The following PDGFRA variants were observed in gnomAD, a reference collection of about 807,000 sequenced individuals.
The protein encoded by PDGFRA is platelet derived growth factor receptor alpha, also known as platelet-derived growth factor receptor alpha.
PDGFRA carries 25 observed loss-of-function variants against 121.5 expected under a neutral mutation model. That is an observed-to-expected ratio of 0.21 (90% confidence interval 0.15 to 0.29). The LOEUF (loss-of-function observed/expected upper bound fraction) is 0.29, where lower values mean the gene tolerates loss of function less well. Ranked by LOEUF, PDGFRA falls within the 10% of genes least tolerant of loss-of-function variation. The pLI, the probability that PDGFRA is intolerant of heterozygous loss-of-function variation, is 1.00. For synonymous variants in PDGFRA, 463 were observed against 494.8 expected (o/e 0.94, Z 0.85); for missense variants, 1,008 against 1,345.1 (o/e 0.75, Z 3.92).
chr4:54,256,151 C>T (rs966651641), intron 1 of PDGFRA, among the ~76,000 whole-genome samples: 3 of 151,874 alleles, frequency 2.0e-5, no homozygotes, highest in Non-Finnish European at 2.9e-5. Context: ...GGGAGGCCAA[C>T]GCAGGAGGAT....
At position 54,241,650 on chromosome 4, in the gene PDGFRA, G is replaced by A. The variant is rs141768259; in HGVS notation, c.-13+12235G>A. Among the ~76,000 whole-genome samples the A allele has an allele frequency of 4.3e-3, 650 of 151,998 alleles. 6 individuals are homozygous for A. Among genetic ancestry groups the A allele is most frequent in the African/African-American group, 0.015 (618 of 41,448 alleles). The stretch of plus-strand genomic sequence containing the variant: ...CTGCAGCCTCCGCATCCTGGGTTCA[G>A]GCATTTCTCCTGTCTCAGCCTCCTG... On this transcript the variant is annotated intron_variant, in intron 1 of 22. Coordinates refer to ENST00000257290, the MANE Select transcript of PDGFRA (RefSeq NM_006206.6).
In PDGFRA at chr4:54,296,062, T is replaced by C. The variant is rs1724865360; in HGVS notation, c.*790T>C. 5 of 232,582 alleles carry C rather than the reference T, an allele frequency of 2.1e-5. No homozygotes were observed. The East Asian group carries it at 3.1e-4, about 14-fold the overall frequency. 14.4% of individuals were successfully genotyped at this position (232,582 alleles called of 1,614,324 possible). A position where few individuals can be genotyped will look rare whatever the true frequency, so the allele number is the denominator to read the frequency against. On this transcript the variant is annotated 3_prime_UTR_variant, in exon 23 of 23. Coordinates refer to ENST00000257290, the MANE Select transcript of PDGFRA (RefSeq NM_006206.6). ...GACAGTTTTTGACATTTATATTAAA[T>C]AACATGTTTCTCTATAAAGTATGGT...
At chr4:54,261,438 A>G in intron 3 of PDGFRA, 26 bp downstream of exon 3, 1 of 1,516,478 alleles carries the variant, frequency 6.6e-7, no homozygotes. Flanking sequence ...CTCCAGGACC[A>G]AGCTTCTTCT....
chr4:54,238,201 A>G (rs1459181259), intron 1 of PDGFRA, among the ~76,000 whole-genome samples: 1 of 152,160 alleles, frequency 6.6e-6, no homozygotes, highest in African/African-American at 2.4e-5. Flanking sequence ...TTTTCCTGGT[A>G]GCATTCAATA....
intron 22 of PDGFRA, among the ~76,000 whole-genome samples, chr4:54,292,826 T>A (rs7687358): frequency 1 from 151,885 of 152,284 alleles, 75,745 homozygotes; most frequent in Middle Eastern, 1. Context: ...GAGCTAAAAC[T>A]ACGAGAACAC....
intron 15 of PDGFRA, 144 bp downstream of exon 15, chr4:54,278,659 T>C (rs1263252939): frequency 1.3e-6 from 1 of 766,260 alleles, no homozygotes; most frequent in South Asian, 1.6e-5. Context: ...GTCCAGTCTT[T>C]CCATGGTCAT....
At position 54,261,242 on chromosome 4, in the gene PDGFRA, G is replaced by T. The variant is rs1577705273; in HGVS notation, c.197G>T (p.Ser66Ile). The change falls in exon 3 of 23, where the codon AGC (serine) becomes ATC (isoleucine). Residue 66 changes from serine (S) to isoleucine (I), a missense_variant. By Grantham distance (142) the Ser-to-Ile change is moderately radical. This residue lies in a region of PDGFRA where 575 missense variants were observed against 701.8 expected (regional missense o/e 0.82). Transcript: ENST00000257290. ...SWQYPMSEEE[S>I]SDVEIRNEEN... ...CAGTACCCCATGTCTGAAGAAGAGAGCTCCGATGTGGAAATCAGAAATGAA... is the reference window on the plus strand; with the variant it reads ...CAGTACCCCATGTCTGAAGAAGAGATCTCCGATGTGGAAATCAGAAATGAA... 3 of 1,614,150 alleles carry T rather than the reference G, an allele frequency of 1.9e-6. No homozygotes were observed. The highest frequency in any genetic ancestry group is 3.3e-5 in the Admixed American group (2 of 60,020).
In PDGFRA at chr4:54,261,356, A is replaced by G. The variant is rs1722704092; in HGVS notation, c.311A>G (p.His104Arg). 1.2e-6 allele frequency: 2 copies of G among 1,614,130 alleles called. No homozygotes were observed. The highest frequency in any genetic ancestry group is 1.7e-6 in the Non-Finnish European group (2 of 1,179,986). ...HTGLYTCYYN[H>R]TQTEENELEG... ...GGGTTGTACACTTGCTATTACAACC[A>G]CACTCAGACAGAAGAGAATGAGCTT... Residue 104 changes from histidine (H) to arginine (R), a missense_variant, in exon 3 of 23, where the codon CAC (histidine) becomes CGC (arginine). By Grantham distance (29) the His-to-Arg change is conservative. Coordinates refer to ENST00000257290, the MANE Select transcript of PDGFRA (RefSeq NM_006206.6).
intron 1 of PDGFRA, among the ~76,000 whole-genome samples, chr4:54,247,099 T>C (rs1028017580): frequency 5.9e-5 from 9 of 151,406 alleles, no homozygotes; most frequent in African/African-American, 2.2e-4. Context: ...CCAAAAAGAG[T>C]CCAGGACCAG....
chr4:54,278,414 T>C lies in PDGFRA; in HGVS notation c.2055T>C (p.Tyr685=), dbSNP rs1005774933. Reference sequence around the variant, plus strand: ...GCTTCTATGGAGATTTGGTCAACTATTTGCATAAGAATAGGGATAGCTTCC... The same window carrying C: ...GCTTCTATGGAGATTTGGTCAACTACTTGCATAAGAATAGGGATAGCTTCC... The part of the protein sequence containing the change: ...EYCFYGDLVN[Y]LHKNRDSFLS... The change falls in exon 15 of 23, where the codon TAT becomes TAC. Residue 685 remains tyrosine (Y), a synonymous_variant. Transcript: ENST00000257290. The C allele has an allele frequency of 1.2e-5, 19 of 1,613,720 alleles. No homozygotes were observed. The highest frequency in any genetic ancestry group is 1.7e-5 in the Admixed American group (1 of 59,996).
intron 5 of PDGFRA, 111 bp downstream of exon 5, chr4:54,265,160 C>T: frequency 1.0e-6 from 1 of 1,000,176 alleles, no homozygotes; most frequent in Non-Finnish European, 1.6e-6. Context: ...TTCTCTAGAC[C>T]TTAGCTTCCC....
chr4:54,288,533 A>G (rs1024320217), intron 19 of PDGFRA, among the ~76,000 whole-genome samples: 1 of 152,194 alleles, frequency 6.6e-6, no homozygotes, highest in African/African-American at 2.4e-5. Flanking sequence ...AGTCATACAC[A>G]TTGAAAAACA....
chr4:54,287,447 G>A lies in PDGFRA; in HGVS notation c.2580G>A (p.Lys860=), dbSNP rs187169233. 5.4e-6 allele frequency: 8 copies of A among 1,493,810 alleles called. No individual in the cohort carries two copies. The East Asian group carries it at 6.8e-5, about 13-fold the overall frequency. The allele number at this position is 1,493,810 out of a possible 1,614,324, so 92.5% of individuals were successfully genotyped here. The change falls in exon 19 of 23, where the codon AAG becomes AAA. Residue 860 remains lysine, a synonymous_variant. Coordinates refer to ENST00000257290, the MANE Select transcript of PDGFRA (RefSeq NM_006206.6). ...VSKGSTFLPV[K]WMAPESIFDN... ...CCTTGCAGACCTTTCTGCCCGTGAA[G>A]TGGATGGCTCCTGAGAGCATCTTTG...
At chr4:54,273,017 C>T (rs959863877) in intron 9 of PDGFRA, among the ~76,000 whole-genome samples, 2 of 152,190 alleles carry the variant, frequency 1.3e-5, no homozygotes, top group East Asian at 1.9e-4. Flanking sequence ...AGAGACTCCT[C>T]ATCTTAACTT....
intron 1 of PDGFRA, 102 bp downstream of exon 1, chr4:54,229,517 A>T (rs1720541483): frequency 2.8e-6 from 1 of 361,094 alleles, no homozygotes; most frequent in Non-Finnish European, 4.9e-6. Context: ...GGCGACAAGA[A>T]AAAAAAAAAG....
In PDGFRA at chr4:54,297,252, C is replaced by G. The variant is rs1724921181; in HGVS notation, c.*1980C>G. On this transcript the variant is annotated 3_prime_UTR_variant, in exon 23 of 23. Transcript: ENST00000257290. Reference sequence around the variant, plus strand: ...ATGAATGAAACATGGGCTGTGATTACTGCAATCACTGTGCTATCGGCAGAT... The same window carrying G: ...ATGAATGAAACATGGGCTGTGATTAGTGCAATCACTGTGCTATCGGCAGAT... 4.3e-6 allele frequency: 1 copy of G among 233,606 alleles called. No individual in the cohort carries two copies. Among genetic ancestry groups the G allele is most frequent in the South Asian group, 1.8e-4 (1 of 5,532 alleles). The allele number at this position is 233,606 out of a possible 1,614,324, so 14.5% of individuals were successfully genotyped here.
chr4:54,284,879 C>CTTTTTTTTTTTTTTTTT lies in PDGFRA; in HGVS notation c.2324-486_2324-470dup, dbSNP rs5858264. On this transcript the variant is annotated intron_variant, in intron 16 of 22. Coordinates refer to ENST00000257290, the MANE Select transcript of PDGFRA (RefSeq NM_006206.6). ...CTTTCCTTTCTTTCATTCTTTCTATCTTTTTTTTTTTTTTTTTTTTTTGAG... is the reference window on the plus strand; with the variant it reads ...CTTTCCTTTCTTTCATTCTTTCTATCTTTTTTTTTTTTTTTTTTTTTTTTTTTTTTTTTTTTTTTGAG... Among the ~76,000 whole-genome samples the CTTTTTTTTTTTTTTTTT allele has an allele frequency of 4.0e-5, 4 of 101,248 alleles. 2 individuals are homozygous for CTTTTTTTTTTTTTTTTT. Among genetic ancestry groups the CTTTTTTTTTTTTTTTTT allele is most frequent in the Non-Finnish European group, 3.7e-5 (2 of 54,206 alleles). The allele number at this position is 101,248 out of a possible 152,430, so 66.4% of individuals were successfully genotyped here.
chr4:54,262,256 G>T (rs367723678), intron 3 of PDGFRA, among the ~76,000 whole-genome samples: 1 of 151,782 alleles, frequency 6.6e-6, no homozygotes, highest in Non-Finnish European at 1.5e-5. Context: ...GTAGAGATAG[G>T]GTTTCACTGT....
At chr4:54,248,365 G>A (rs1448644805) in intron 1 of PDGFRA, among the ~76,000 whole-genome samples, 1 of 152,170 alleles carries the variant, frequency 6.6e-6, no homozygotes, top group Non-Finnish European at 1.5e-5. Flanking sequence ...TACCAAAACA[G>A]AGATATAGAT....
Sources: allele counts gnomAD v4.1 joint callset (sites outside exome capture counted in the v4.1 genomes callset), GRCh38; gene constraint gnomAD v4.1.1; regional missense constraint gnomAD v4.1.1; transcripts MANE v1.5; gene names NCBI Gene and HGNC (gene_info 2026-07-23, HGNC 2026-07-21).